SLIT2: variants seen among roughly 807,000 people sequenced by gnomAD.
SLIT2 encodes slit guidance ligand 2, also known as slit homolog 2 protein.
SLIT2 carries 41 observed loss-of-function variants against 185.7 expected under a neutral mutation model. That is an observed-to-expected ratio of 0.22 (90% CI 0.17 to 0.29). SLIT2 has a LOEUF of 0.29. Among genes scored for constraint, SLIT2 ranks in the 10% least tolerant of loss-of-function variants. The pLI is 1.00. For synonymous variants in SLIT2, 693 were observed against 680.2 expected (o/e 1.02, Z -0.29); for missense variants, 1,571 against 1,909.0 (o/e 0.82, Z 3.30).
chr4:20,295,057 T>C (rs1323555919), intron 4 of SLIT2, among the ~76,000 whole-genome samples: 1 of 152,184 alleles, frequency 6.6e-6, no homozygotes, highest in Non-Finnish European at 1.5e-5. Context: ...TAATTTGATA[T>C]TGGAAGTGAC....
chr4:20,523,250 C>A (rs1475909536), intron 12 of SLIT2, among the ~76,000 whole-genome samples: 1 of 152,144 alleles, frequency 6.6e-6, no homozygotes, highest in Non-Finnish European at 1.5e-5. Context: ...GGCTACAGGT[C>A]AGGCTGTTGT....
chr4:20,472,284 A>ATATATC (rs1715207042), intron 5 of SLIT2, among the ~76,000 whole-genome samples: 2 of 17,678 alleles, frequency 1.1e-4, no homozygotes, highest in Non-Finnish European at 1.9e-4. Context: ...ATCTATATAT[A>ATATATC]TAGATATATA....
At chr4:20,605,711 A>ATATTT (rs376845737) in intron 33 of SLIT2, among the ~76,000 whole-genome samples, 7,423 of 131,810 alleles carry the variant, frequency 0.056, 386 homozygotes, top group East Asian at 0.24. Context: ...ATTTTATTTT[A>ATATTT]TATTTTATTT....
intron 4 of SLIT2, among the ~76,000 whole-genome samples, chr4:20,278,533 C>T (rs951063186): frequency 1.1e-4 from 16 of 152,054 alleles, no homozygotes; most frequent in Admixed American, 9.2e-4. Context: ...TACCCAGCCT[C>T]TTGTCACAAA....
intron 9 of SLIT2, 127 bp from the exon 10 acceptor site, chr4:20,510,368 T>C: frequency 1.4e-6 from 1 of 703,496 alleles, no homozygotes; most frequent in East Asian, 2.5e-5. Context: ...GTACTTATTT[T>C]TCAGGAAAAA....
chr4:20,517,891 T>G (rs1720354088), intron 11 of SLIT2, among the ~76,000 whole-genome samples: 1 of 151,914 alleles, frequency 6.6e-6, no homozygotes, highest in Non-Finnish European at 1.5e-5. Flanking sequence ...AGCTTTTTCT[T>G]TATATGTTAT....
intron 4 of SLIT2, among the ~76,000 whole-genome samples, chr4:20,417,598 T>A (rs1727803928): frequency 6.6e-6 from 1 of 151,718 alleles, no homozygotes; most frequent in Non-Finnish European, 1.5e-5. Context: ...CTCAGCTCAC[T>A]GTAGCCTCTG....
intron 4 of SLIT2, among the ~76,000 whole-genome samples, chr4:20,295,579 C>A (rs1716373776): frequency 6.6e-6 from 1 of 152,148 alleles, no homozygotes; most frequent in Non-Finnish European, 1.5e-5. Context: ...CCAACTCCTT[C>A]ATTGCCAATT....
intron 4 of SLIT2, among the ~76,000 whole-genome samples, chr4:20,352,435 G>A (rs1225625653): frequency 6.6e-6 from 1 of 152,070 alleles, no homozygotes; most frequent in South Asian, 2.1e-4. Flanking sequence ...AGAGAGTAGA[G>A]GAGTTTGTTA....
At chr4:20,271,504 T>C (rs1328790445) in intron 4 of SLIT2, among the ~76,000 whole-genome samples, 3 of 147,006 alleles carry the variant, frequency 2.0e-5, no homozygotes, top group Non-Finnish European at 4.5e-5. Context: ...TATATATATA[T>C]ATAGCAAGCC....
In SLIT2 at chr4:20,491,912, A is replaced by G; in HGVS notation, c.914+13A>G. On this transcript the variant is annotated intron_variant, in intron 9 of 36. Transcript: ENST00000504154. ...CCATCACAGAAATGTATGTGCCTGA[A>G]ATTCTTTCTTATCTCCCCACCTTCC... 1 of 1,606,518 alleles carries G rather than the reference A, an allele frequency of 6.2e-7. No individual in the cohort carries two copies.
In SLIT2 at chr4:20,531,991, A is replaced by G; in HGVS notation, c.1621A>G (p.Asn541Asp). The G allele has an allele frequency of 1.3e-6, 2 of 1,569,764 alleles. No homozygotes were observed. The highest frequency in any genetic ancestry group is 1.7e-6 in the Non-Finnish European group (2 of 1,162,584). ...IPQYTAELRL[N>D]NNEFTVLEAT... The stretch of plus-strand genomic sequence containing the variant: ...TCCTTCTTTTTTCTTCAGGCGTCTC[A>G]ATAATAATGAATTTACCGTGTTGGA... Residue 541 changes from asparagine to aspartate, a missense_variant, in exon 17 of 37, where the codon AAT (asparagine) becomes GAT (aspartate). Coordinates refer to ENST00000504154, the MANE Select transcript of SLIT2 (RefSeq NM_004787.4).
rs75789980 is a variant in SLIT2, at chr4:20,578,244, A to G, written c.3088+9240A>G. On this transcript the variant is annotated intron_variant, in intron 29 of 36. Coordinates refer to ENST00000504154, the MANE Select transcript of SLIT2 (RefSeq NM_004787.4). ...ACTAGCGAATGCAATGGGAATGGAG[A>G]AATACAAAAATATAAATATAAAGGT... is the stretch of plus-strand genomic sequence containing the variant. 2.7e-3 allele frequency among the ~76,000 whole-genome samples: 415 copies of G among 152,308 alleles called. 4 individuals carry two copies. Among genetic ancestry groups the G allele is most frequent in the East Asian group, 0.021 (110 of 5,184 alleles).
At chr4:20,609,107 T>G (rs1729015167) in intron 33 of SLIT2, among the ~76,000 whole-genome samples, 1 of 152,202 alleles carries the variant, frequency 6.6e-6, no homozygotes, top group Non-Finnish European at 1.5e-5. Flanking sequence ...AACACCAGAG[T>G]TAGATATGCA....
At position 20,619,666 on chromosome 4, in the gene SLIT2, A is replaced by G. The variant is rs1729940530; in HGVS notation, c.*657A>G. ...TTAATTTTTTTGTAATATAAATGAT[A>G]AAGGAGATGATAAAGAACCAATAGA... On this transcript the variant is annotated 3_prime_UTR_variant, in exon 37 of 37. Transcript: ENST00000504154. The G allele has an allele frequency of 6.6e-6, 1 of 152,184 alleles. No homozygotes were observed. Among genetic ancestry groups the G allele is most frequent in the Non-Finnish European group, 1.5e-5 (1 of 68,024 alleles). The allele number at this position is 152,184 out of a possible 1,614,324, so 9.4% of individuals were successfully genotyped here. A position where few individuals can be genotyped will look rare whatever the true frequency, so the allele number is the denominator to read the frequency against.
At chr4:20,591,818 A>G (rs1727542410) in intron 30 of SLIT2, among the ~76,000 whole-genome samples, 3 of 152,098 alleles carry the variant, frequency 2.0e-5, no homozygotes, top group African/African-American at 7.2e-5. Flanking sequence ...TTGTAAGTAT[A>G]AGATAAAGTA....
intron 4 of SLIT2, among the ~76,000 whole-genome samples, chr4:20,448,229 G>T (rs182648831): frequency 3.3e-4 from 51 of 152,256 alleles, no homozygotes; most frequent in African/African-American, 1.2e-3. Context: ...TACTGATTGT[G>T]TGTTTAAAAG....
chr4:20,359,695 A>G (rs982864985), intron 4 of SLIT2, among the ~76,000 whole-genome samples: 1 of 152,068 alleles, frequency 6.6e-6, no homozygotes, highest in Non-Finnish European at 1.5e-5. Context: ...AAAAATTGTT[A>G]CAAGGCCAGT....
chr4:20,575,399 A>G (rs565149286), intron 29 of SLIT2, among the ~76,000 whole-genome samples: 24 of 152,184 alleles, frequency 1.6e-4, no homozygotes, highest in Non-Finnish European at 2.9e-4. Flanking sequence ...AATGTATATC[A>G]TTAGTCGATA....
Sources: allele counts gnomAD v4.1 joint callset (sites outside exome capture counted in the v4.1 genomes callset), GRCh38; gene constraint gnomAD v4.1.1; transcripts MANE v1.5; gene names NCBI Gene and HGNC (gene_info 2026-07-23, HGNC 2026-07-21).